Variants in TRPM3 observed in about 807,000 individuals in gnomAD.
TRPM3 encodes transient receptor potential cation channel subfamily M member 3.
Under a neutral mutation model 181.2 loss-of-function variants are expected in TRPM3, and 77 were observed. The ratio of observed to expected loss-of-function variants is 0.42; its 90% CI spans 0.35 to 0.51. The LOEUF (loss-of-function observed/expected upper bound fraction) is 0.51, where lower values mean the gene tolerates loss of function less well. TRPM3 is among the 20% of genes least tolerant of loss of function. The pLI, the probability that TRPM3 is intolerant of heterozygous loss-of-function variation, is 0.01. For missense variants in TRPM3, 1,759 were observed against 2,196.7 expected (o/e 0.80, Z 3.98); for synonymous variants, 745 against 796.4 (o/e 0.94, Z 1.09).
At chr9:71,256,675 C>T (rs1297651975) in intron 1 of TRPM3, among the ~76,000 whole-genome samples, 1 of 152,064 alleles carries the variant, frequency 6.6e-6, no homozygotes, top group Non-Finnish European at 1.5e-5. Context: ...TGACCGTATG[C>T]CTGACATGGG....
intron 1 of TRPM3, among the ~76,000 whole-genome samples, chr9:70,879,208 T>C (rs916580278): frequency 6.6e-6 from 1 of 152,040 alleles, no homozygotes; most frequent in African/African-American, 2.4e-5. Context: ...TAAATACACA[T>C]GCCAGGCATG....
At chr9:71,149,595 T>C (rs888075560) in intron 1 of TRPM3, among the ~76,000 whole-genome samples, 2 of 152,024 alleles carry the variant, frequency 1.3e-5, no homozygotes, top group Non-Finnish European at 2.9e-5. Flanking sequence ...GTAATAAAGA[T>C]AAATAATGAA....
intron 1 of TRPM3, among the ~76,000 whole-genome samples, chr9:71,073,047 T>C (rs959389882): frequency 6.6e-6 from 1 of 152,184 alleles, no homozygotes; most frequent in Non-Finnish European, 1.5e-5. Flanking sequence ...TCCTTTGTCT[T>C]AAGTTTTCAT....
intron 1 of TRPM3, among the ~76,000 whole-genome samples, chr9:71,303,976 T>C (rs891902512): frequency 1.3e-5 from 2 of 152,158 alleles, no homozygotes; most frequent in African/African-American, 4.8e-5. Context: ...ATAAAATACA[T>C]ATATTTTAAA....
At position 71,214,624 on chromosome 9, in the gene TRPM3, C is replaced by T. The variant is rs72733840; in HGVS notation, c.183+232029G>A. ...TGTCACTTCCCTTTTAAATCTTTGACGGCTCCTGAGTACTGGAAGGCTAAA... is the reference window on the plus strand; with the variant it reads ...TGTCACTTCCCTTTTAAATCTTTGATGGCTCCTGAGTACTGGAAGGCTAAA... On this transcript the variant is annotated intron_variant, in intron 1 of 24. Coordinates refer to the TRPM3 transcript ENST00000357533. 6.2e-4 allele frequency among the ~76,000 whole-genome samples: 95 copies of T among 152,218 alleles called. 1 individual carries two copies. In the East Asian group the frequency reaches 7.5e-3, roughly 12 times the overall value.
At chr9:70,895,633 G>A (rs1051185118) in intron 1 of TRPM3, among the ~76,000 whole-genome samples, 1 of 151,850 alleles carries the variant, frequency 6.6e-6, no homozygotes, top group Non-Finnish European at 1.5e-5. Flanking sequence ...TTACCTAGTT[G>A]GTATTATATT....
chr9:71,248,826 G>C lies in TRPM3; in HGVS notation c.183+197827C>G, dbSNP rs1038461259. On this transcript the variant is annotated intron_variant, in intron 1 of 24. Transcript: ENST00000357533. ...CATCATGATCATAAATAAAAGTTCT[G>C]TGTTTTGTGGAAGCAGGGGTTTTGA... Among the ~76,000 whole-genome samples, 3 of 152,132 alleles carry C rather than the reference G, an allele frequency of 2.0e-5. 1 individual carries two copies. Among genetic ancestry groups the C allele is most frequent in the African/African-American group, 7.2e-5 (3 of 41,426 alleles).
At chr9:71,236,356 A>G (rs1238653410) in intron 1 of TRPM3, among the ~76,000 whole-genome samples, 2 of 152,106 alleles carry the variant, frequency 1.3e-5, no homozygotes, top group Non-Finnish European at 1.5e-5. Flanking sequence ...CTAAAATCTT[A>G]TAATTTCCAT....
chr9:70,664,674 T>C (rs1163526538), intron 9 of TRPM3, among the ~76,000 whole-genome samples: 1 of 120,902 alleles, frequency 8.3e-6, no homozygotes, highest in Non-Finnish European at 1.6e-5. Flanking sequence ...TTTTTGAGAC[T>C]GAGTCTCACT....
At chr9:70,574,950 A>AT (rs1406069234) in intron 22 of TRPM3, among the ~76,000 whole-genome samples, 4 of 146,998 alleles carry the variant, frequency 2.7e-5, no homozygotes, top group Non-Finnish European at 6.0e-5. Context: ...TTTTTTTTAA[A>AT]TTTTTTTTCC....
At chr9:71,387,554 C>T (rs946863398) in intron 1 of TRPM3, among the ~76,000 whole-genome samples, 1 of 151,962 alleles carries the variant, frequency 6.6e-6, no homozygotes, top group Non-Finnish European at 1.5e-5. Flanking sequence ...ATGTTAATGC[C>T]ACAATTTCTG....
chr9:71,329,908 A>G (rs2089989188), intron 1 of TRPM3, among the ~76,000 whole-genome samples: 1 of 152,232 alleles, frequency 6.6e-6, no homozygotes, highest in Admixed American at 6.5e-5. Context: ...TTGTACAAAT[A>G]AATACAGAAA....
At chr9:71,105,569 G>T (rs534574108) in intron 1 of TRPM3, among the ~76,000 whole-genome samples, 1 of 152,126 alleles carries the variant, frequency 6.6e-6, no homozygotes, top group Non-Finnish European at 1.5e-5. Context: ...GTCCCTAGTT[G>T]CCTGGTACCT....
In TRPM3 at chr9:71,380,020, G is replaced by T; in HGVS notation, c.183+66633C>A. 1.3e-5 allele frequency among the ~76,000 whole-genome samples: 2 copies of T among 152,012 alleles called. 1 individual carries two copies. Among genetic ancestry groups the T allele is most frequent in the East Asian group, 3.9e-4 (2 of 5,170 alleles). On this transcript the variant is annotated intron_variant, in intron 1 of 24. Coordinates refer to the TRPM3 transcript ENST00000357533. ...TTCATCTAATTTTAAGATGGAGCAG[G>T]GGGAGGCAAGGCAGATTCTACTGAT...
intron 1 of TRPM3, among the ~76,000 whole-genome samples, chr9:70,903,171 C>T (rs756713733): frequency 2.0e-5 from 3 of 152,182 alleles, no homozygotes; most frequent in African/African-American, 4.8e-5. Flanking sequence ...TGTGTTGAAA[C>T]GTTAACATTT....
chr9:70,967,726 A>C (rs2133886096), intron 1 of TRPM3, among the ~76,000 whole-genome samples: 1 of 152,236 alleles, frequency 6.6e-6, no homozygotes, highest in South Asian at 2.1e-4. Context: ...AGCCTTCCAT[A>C]ATTCTTAGCA....
At chr9:70,688,511 A>C (rs567057096) in intron 8 of TRPM3, among the ~76,000 whole-genome samples, 2 of 152,244 alleles carry the variant, frequency 1.3e-5, no homozygotes, top group East Asian at 3.9e-4. Context: ...CTCATAGCTT[A>C]GCTCCTACTT....
At position 70,531,776 on chromosome 9, in the gene TRPM3, C is replaced by T. The variant is rs1225035436; in HGVS notation, c.*4177G>A. 2 of 152,108 alleles carry T rather than the reference C, an allele frequency of 1.3e-5. No individual in the cohort carries two copies. Among genetic ancestry groups the T allele is most frequent in the African/African-American group, 4.8e-5 (2 of 41,404 alleles). 9.4% of individuals were successfully genotyped at this position (152,108 alleles called of 1,614,324 possible). A position where few individuals can be genotyped will look rare whatever the true frequency, so the allele number is the denominator to read the frequency against. On this transcript the variant is annotated 3_prime_UTR_variant, in exon 26 of 26. Transcript: ENST00000677713. Reference sequence around the variant, plus strand: ...TAGTCTTTTGCATAACATGCCAGTTCATCTTTCACAAAATCACAACTTGCC... The same window carrying T: ...TAGTCTTTTGCATAACATGCCAGTTTATCTTTCACAAAATCACAACTTGCC...
intron 7 of TRPM3, among the ~76,000 whole-genome samples, chr9:70,764,939 T>C (rs1244576072): frequency 6.6e-6 from 1 of 152,194 alleles, no homozygotes; most frequent in Non-Finnish European, 1.5e-5. Context: ...CAAAAAGAGT[T>C]TAATAACATT....
Sources: allele counts gnomAD v4.1 joint callset (sites outside exome capture counted in the v4.1 genomes callset), GRCh38; gene constraint gnomAD v4.1.1; transcripts MANE v1.5; gene names NCBI Gene and HGNC (gene_info 2026-07-23, HGNC 2026-07-21).